VPS13B: variants seen among roughly 807,000 people sequenced by gnomAD.
VPS13B encodes vacuolar protein sorting 13 homolog B.
A neutral mutation model predicts 426.4 loss-of-function variants in VPS13B; 285 were observed. The observed-to-expected ratio is 0.67, with a 90% confidence interval of 0.61 to 0.74. The LOEUF (loss-of-function observed/expected upper bound fraction) is 0.74, where lower values mean the gene tolerates loss of function less well. VPS13B is among the 30% of genes least tolerant of loss of function. The probability of loss-of-function intolerance (pLI) is 0.00; values close to 1 mark genes in which losing one functional copy is unlikely to be tolerated. For synonymous variants in VPS13B, 1,676 were observed against 1,676.4 expected, an observed-to-expected ratio of 1.00 and a Z score of 0.01; for missense variants, 4,537 against 4,782.6, an observed-to-expected ratio of 0.95 and a Z score of 1.51.
At chr8:99,617,351 C>T (rs151265871) in intron 33 of VPS13B, among the ~76,000 whole-genome samples, 1,856 of 152,110 alleles carry the variant, frequency 0.012, 20 homozygotes, top group Non-Finnish European at 0.016. Context: ...GTTTTTGAGA[C>T]GGAGACAGGC....
chr8:99,074,857 G>A (rs1845036520), intron 3 of VPS13B, among the ~76,000 whole-genome samples: 1 of 151,952 alleles, frequency 6.6e-6, no homozygotes, highest in African/African-American at 2.4e-5. Flanking sequence ...GGCTGGTCTC[G>A]AACTCCTGAC....
chr8:99,700,177 T>A (rs1041610752), intron 36 of VPS13B, among the ~76,000 whole-genome samples: 5 of 152,214 alleles, frequency 3.3e-5, no homozygotes, highest in African/African-American at 9.6e-5. Flanking sequence ...TATCTAAAAC[T>A]GTTAATTCCT....
chr8:99,613,475 A>G (rs746750305), intron 33 of VPS13B, among the ~76,000 whole-genome samples: 4 of 152,242 alleles, frequency 2.6e-5, no homozygotes, highest in Non-Finnish European at 5.9e-5. Context: ...ACTATGAAAG[A>G]GCTGGCAAGA....
intron 19 of VPS13B, among the ~76,000 whole-genome samples, chr8:99,296,146 G>A (rs2133058690): frequency 6.6e-6 from 1 of 152,276 alleles, no homozygotes; most frequent in South Asian, 2.1e-4. Context: ...GGGACCATCT[G>A]TACATTATGT....
At chr8:99,618,319 C>T (rs1315251013) in intron 33 of VPS13B, among the ~76,000 whole-genome samples, 1 of 150,726 alleles carries the variant, frequency 6.6e-6, no homozygotes, top group African/African-American at 2.4e-5. Flanking sequence ...AATTGTTTCT[C>T]AGAGCAATCC....
chr8:99,836,070 A>C (rs1815376078), intron 54 of VPS13B, among the ~76,000 whole-genome samples: 1 of 152,204 alleles, frequency 6.6e-6, no homozygotes, highest in East Asian at 1.9e-4. Flanking sequence ...TAGTACAGTC[A>C]TAATACAAAT....
At chr8:99,195,031 G>A (rs1813832149) in intron 17 of VPS13B, among the ~76,000 whole-genome samples, 1 of 151,986 alleles carries the variant, frequency 6.6e-6, no homozygotes, top group African/African-American at 2.4e-5. Context: ...ATTTTTAGTA[G>A]AGACGGAGTT....
intron 58 of VPS13B, among the ~76,000 whole-genome samples, chr8:99,866,983 G>A (rs1817141154): frequency 6.6e-6 from 1 of 152,226 alleles, no homozygotes; most frequent in Non-Finnish European, 1.5e-5. Context: ...TTGGCAGCAC[G>A]ACTCTAGGCT....
chr8:99,859,371 G>A lies in VPS13B; in HGVS notation c.10935G>A (p.Gly3645=), dbSNP rs1311933839. Residue 3645 remains glycine, a synonymous_variant, in exon 57 of 62, where the codon GGG becomes GGA. Coordinates refer to ENST00000357162, the MANE Select transcript of VPS13B (RefSeq NM_152564.5). ...GCCTGGTGAGAAGCATCGGGAACGG[G>A]GTCGCCGACTTCTTCAGGCTTCCGT... The part of the protein sequence containing the change: ...PASLVRSIGN[G]VADFFRLPYE... 1 of 1,614,040 alleles carries A rather than the reference G, an allele frequency of 6.2e-7. No individual in the cohort carries two copies. Among genetic ancestry groups the A allele is most frequent in the Non-Finnish European group, 8.5e-7 (1 of 1,179,994 alleles).
intron 22 of VPS13B, 106 bp downstream of exon 22, chr8:99,431,770 T>C: frequency 8.7e-7 from 1 of 1,154,150 alleles, no homozygotes; most frequent in South Asian, 1.5e-5. Flanking sequence ...CAATTATGTA[T>C]ACCATCTCAT....
Position 99,507,139 on chromosome 8 carries a change from C to T in VPS13B, c.4160C>T (p.Pro1387Leu). Residue 1387 changes from proline (P) to leucine (L), a missense_variant and splice_region_variant, in exon 28 of 62, where the codon CCA (proline) becomes CTA (leucine). By Grantham distance (98) the Pro-to-Leu change is moderately conservative. Around this residue, in one of 2 missense-constraint regions of VPS13B, gnomAD observed 4,311 missense variants for 4,474.3 expected, o/e 0.96. Coordinates refer to ENST00000357162, the MANE Select transcript of VPS13B (RefSeq NM_152564.5). ...TAAGGTGAACTTATGTTTTCCAGGC[C>T]AGGGGAAGGTTGGCAGTCAGGACAT... ...SFNIDHYRSR[P>L]GEGWQSGHFE... 1.9e-6 allele frequency: 3 copies of T among 1,613,826 alleles called. No individual in the cohort carries two copies. Among genetic ancestry groups the T allele is most frequent in the Non-Finnish European group, 2.5e-6 (3 of 1,179,880 alleles).
intron 35 of VPS13B, chr8:99,696,262 T>C (rs1298489034): frequency 2.1e-5 from 4 of 195,038 alleles, no homozygotes; most frequent in South Asian, 9.8e-5. Context: ...ACAAGAAGCT[T>C]GAGGAAGGCG....
chr8:99,660,905 A>C (rs1830195039), intron 34 of VPS13B, among the ~76,000 whole-genome samples: 1 of 152,132 alleles, frequency 6.6e-6, no homozygotes, highest in Admixed American at 6.5e-5. Context: ...TGTCAGTAAA[A>C]CTCTTAAAAC....
chr8:99,617,741 C>T (rs1324465734), intron 33 of VPS13B, among the ~76,000 whole-genome samples: 5 of 152,254 alleles, frequency 3.3e-5, no homozygotes, highest in Admixed American at 1.3e-4. Context: ...TATACTTACA[C>T]ATCCATTACA....
At chr8:99,838,875 A>G (rs1815529258) in intron 54 of VPS13B, among the ~76,000 whole-genome samples, 1 of 152,180 alleles carries the variant, frequency 6.6e-6, no homozygotes, top group African/African-American at 2.4e-5. Flanking sequence ...AGAAAGAGCA[A>G]TGTGTTTGAA....
At chr8:99,365,854 C>A (rs974921525) in intron 19 of VPS13B, among the ~76,000 whole-genome samples, 1 of 151,980 alleles carries the variant, frequency 6.6e-6, no homozygotes, top group Non-Finnish European at 1.5e-5. Context: ...ATCTACTGGT[C>A]ATTCAGGGAC....
intron 19 of VPS13B, among the ~76,000 whole-genome samples, chr8:99,291,361 A>T (rs980820116): frequency 6.6e-6 from 1 of 152,158 alleles, no homozygotes; most frequent in Non-Finnish European, 1.5e-5. Flanking sequence ...ACGTGCCAGG[A>T]ATTATTCTAA....
chr8:99,307,347 GTCC>G (rs1820696541), intron 19 of VPS13B, among the ~76,000 whole-genome samples: 2 of 151,694 alleles, frequency 1.3e-5, no homozygotes, highest in African/African-American at 4.8e-5. Flanking sequence ...AAAAATTACT[GTCC>G]TCAGGCTTTA....
intron 25 of VPS13B, among the ~76,000 whole-genome samples, chr8:99,499,690 A>C (rs1203200389): frequency 6.6e-6 from 1 of 152,142 alleles, no homozygotes; most frequent in Non-Finnish European, 1.5e-5. Flanking sequence ...ATTTAGAACT[A>C]CTTATTTTGT....
Sources: allele counts gnomAD v4.1 joint callset (sites outside exome capture counted in the v4.1 genomes callset), GRCh38; gene constraint gnomAD v4.1.1; regional missense constraint gnomAD v4.1.1; transcripts MANE v1.5; gene names NCBI Gene and HGNC (gene_info 2026-07-23, HGNC 2026-07-21).